TNRC6B: variants seen among roughly 807,000 people sequenced by gnomAD.
TNRC6B encodes trinucleotide repeat-containing gene 6B protein.
Under a neutral mutation model 203.6 loss-of-function variants are expected in TNRC6B, and 52 were observed. That is an observed-to-expected ratio of 0.26 (90% confidence interval 0.20 to 0.32). The LOEUF is 0.32. Among genes scored for constraint, TNRC6B ranks in the 10% least tolerant of loss-of-function variants. The pLI is 1.00. For missense variants in TNRC6B, 1,923 were observed against 2,286.2 expected, an observed-to-expected ratio of 0.84 and a Z score of 3.24; for synonymous variants, 838 against 845.7, an observed-to-expected ratio of 0.99 and a Z score of 0.16.
In TNRC6B at chr22:40,330,705, T is replaced by C. The variant is rs755373461; in HGVS notation, c.*7464T>C. 1 of 152,630 alleles carries C rather than the reference T, an allele frequency of 6.6e-6. No individual in the cohort carries two copies. Among genetic ancestry groups the C allele is most frequent in the South Asian group, 2.1e-4 (1 of 4,832 alleles). The allele number at this position is 152,630 out of a possible 1,614,324, so 9.5% of individuals were successfully genotyped here. The stretch of plus-strand genomic sequence containing the variant: ...TTTTGTCTAAGGAATTACTTAAGTA[T>C]AGTATTTCTGAATGTGCCTTTGTGA... On this transcript the variant is annotated 3_prime_UTR_variant, in exon 23 of 23. Transcript: ENST00000454349.
intron 1 of TNRC6B, among the ~76,000 whole-genome samples, chr22:40,089,117 G>A (rs2146295380): frequency 6.6e-6 from 1 of 152,248 alleles, no homozygotes; most frequent in Middle Eastern, 3.4e-3. Flanking sequence ...TAATTATGTG[G>A]TACTTTATAA....
intron 3 of TNRC6B, among the ~76,000 whole-genome samples, chr22:40,138,271 T>C (rs935146198): frequency 3.9e-5 from 6 of 152,314 alleles, no homozygotes; most frequent in Admixed American, 1.3e-4. Context: ...GTTACTGTTA[T>C]CGTTATTTTT....
chr22:40,331,860 G>A lies in TNRC6B; in HGVS notation c.*8619G>A, dbSNP rs34713834. 5.7e-6 allele frequency: 2 copies of A among 352,666 alleles called. No individual in the cohort carries two copies. The highest frequency in any genetic ancestry group is 2.1e-5 in the African/African-American group (1 of 47,756). The allele number at this position is 352,666 out of a possible 1,614,324, so 21.8% of individuals were successfully genotyped here. A position where few individuals can be genotyped will look rare whatever the true frequency, so the allele number is the denominator to read the frequency against. ...CTGGAGGGGAAGGGGAGTGAGAGAC[G>A]AATGTGGTAAGGTCAGCACAGTGAG... is the stretch of plus-strand genomic sequence containing the variant. On this transcript the variant is annotated 3_prime_UTR_variant, in exon 23 of 23. Coordinates refer to ENST00000454349, the MANE Select transcript of TNRC6B (RefSeq NM_001162501.2).
At chr22:40,312,163 A>G (rs2071193736) in intron 17 of TNRC6B, among the ~76,000 whole-genome samples, 5 of 152,192 alleles carry the variant, frequency 3.3e-5, no homozygotes, top group Admixed American at 3.3e-4. Context: ...TTCTTGGCCT[A>G]GATGCTGGGA....
chr22:40,148,478 T>A (rs2068715303), intron 3 of TNRC6B, among the ~76,000 whole-genome samples: 1 of 152,034 alleles, frequency 6.6e-6, no homozygotes, highest in African/African-American at 2.4e-5. Context: ...GAGATGGAGT[T>A]TCACCATGTT....
intron 1 of TNRC6B, among the ~76,000 whole-genome samples, chr22:40,102,582 T>G: frequency 6.6e-6 from 1 of 152,322 alleles, no homozygotes; most frequent in East Asian, 1.9e-4. Flanking sequence ...AACACCTTTA[T>G]TTGTGTATAA....
chr22:40,315,555 C>A, intron 20 of TNRC6B, 48 bp downstream of exon 20: 1 of 1,577,572 alleles, frequency 6.3e-7, no homozygotes. Context: ...CCACAAGGGG[C>A]TTATGTTAAC....
At chr22:40,175,610 C>T (rs1291512536), upstream of TNRC6B, among the ~76,000 whole-genome samples, 2 of 152,188 alleles carry the variant, frequency 1.3e-5, no homozygotes, top group Middle Eastern at 3.2e-3. Flanking sequence ...CACATTTTTA[C>T]AAATCGAGCC....
Position 40,329,066 on chromosome 22 carries a change from T to C in TNRC6B, c.*5825T>C, listed in dbSNP as rs144182873. On this transcript the variant is annotated 3_prime_UTR_variant, in exon 23 of 23. Transcript: ENST00000454349. ...AACAAAAAAAAGCCTTGTTCTTTAA[T>C]TGTGTTTTTCCTCCTGTGAGTGGAC... 1.3e-5 allele frequency: 2 copies of C among 152,478 alleles called. No homozygotes were observed. Among genetic ancestry groups the C allele is most frequent in the Non-Finnish European group, 2.9e-5 (2 of 67,996 alleles). The allele number at this position is 152,478 out of a possible 1,614,324, so 9.4% of individuals were successfully genotyped here. A position where few individuals can be genotyped will look rare whatever the true frequency, so the allele number is the denominator to read the frequency against.
At chr22:40,213,963 T>C (rs1288141465) in intron 1 of TNRC6B, among the ~76,000 whole-genome samples, 2 of 152,086 alleles carry the variant, frequency 1.3e-5, no homozygotes, top group Non-Finnish European at 2.9e-5. Context: ...AAGATGCCTG[T>C]GGCTATAAAT....
chr22:40,274,416 A>G (rs922507517), intron 7 of TNRC6B, among the ~76,000 whole-genome samples: 4 of 150,322 alleles, frequency 2.7e-5, no homozygotes, highest in African/African-American at 4.9e-5. Flanking sequence ...ATGATTAATG[A>G]TATCTCTTTT....
intron 21 of TNRC6B, among the ~76,000 whole-genome samples, chr22:40,316,896 G>A (rs1037771539): frequency 1.3e-5 from 2 of 152,192 alleles, no homozygotes; most frequent in Non-Finnish European, 2.9e-5. Context: ...GTGGGTTTCT[G>A]CAGATCTTAC....
At chr22:40,194,942 C>T (rs1167918172) in intron 1 of TNRC6B, among the ~76,000 whole-genome samples, 1 of 152,190 alleles carries the variant, frequency 6.6e-6, no homozygotes, top group Non-Finnish European at 1.5e-5. Context: ...CACTCAGGGT[C>T]TAGGCCCTTT....
intron 15 of TNRC6B, among the ~76,000 whole-genome samples, chr22:40,307,104 G>A (rs1175121048): frequency 1.5e-5 from 2 of 137,470 alleles, no homozygotes; most frequent in African/African-American, 2.7e-5. Flanking sequence ...GAGTGTGAAA[G>A]AACACTGTTC....
rs559390520 is a variant in TNRC6B at position 40,171,254 on chromosome 22, C to T, written c.113+15072C>T. Among the ~76,000 whole-genome samples the T allele has an allele frequency of 4.6e-5, 7 of 150,648 alleles. No individual in the cohort carries two copies. The South Asian group carries it at 1.0e-3, about 23-fold the overall frequency. Reference sequence around the variant, plus strand: ...TCGGCTCACTGCAACCTCCGCTTCCCGGATTCAAGCGATTCTCCTGCCTCA... The same window carrying T: ...TCGGCTCACTGCAACCTCCGCTTCCTGGATTCAAGCGATTCTCCTGCCTCA... On this transcript the variant is annotated intron_variant, in intron 4 of 23. Transcript: ENST00000301923.
At chr22:40,129,241 G>A (rs957580192) in intron 3 of TNRC6B, among the ~76,000 whole-genome samples, 2 of 152,192 alleles carry the variant, frequency 1.3e-5, no homozygotes, top group Non-Finnish European at 2.9e-5. Flanking sequence ...AGGCCACAGT[G>A]TGCAACGTGG....
chr22:40,322,096 G>A (rs4821942), intron 22 of TNRC6B, among the ~76,000 whole-genome samples: 26,955 of 152,172 alleles, frequency 0.18, 3,202 homozygotes, highest in Admixed American at 0.33. Context: ...CACTTCCGGG[G>A]ACTGAAGCCA....
intron 3 of TNRC6B, chr22:40,156,032 C>T: frequency 7.8e-7 from 1 of 1,283,114 alleles, no homozygotes; most frequent in Non-Finnish European, 1.1e-6. Context: ...CCCTGTGGTT[C>T]TGCACAGGGC....
intron 1 of TNRC6B, among the ~76,000 whole-genome samples, chr22:40,076,151 T>G (rs2068010999): frequency 6.6e-6 from 1 of 152,224 alleles, no homozygotes; most frequent in African/African-American, 2.4e-5. Flanking sequence ...GCACGGTGGC[T>G]CACGCCTGTA....
Sources: allele counts gnomAD v4.1 joint callset (sites outside exome capture counted in the v4.1 genomes callset), GRCh38; gene constraint gnomAD v4.1.1; transcripts MANE v1.5; gene names NCBI Gene and HGNC (gene_info 2026-07-23, HGNC 2026-07-21).